The following CLTA variants were observed in gnomAD, a reference collection of about 807,000 sequenced individuals.
The protein encoded by CLTA is clathrin light chain A.
Under a neutral mutation model 26.9 loss-of-function variants are expected in CLTA, and 9 were observed. The observed-to-expected ratio is 0.33, with a 90% confidence interval of 0.20 to 0.58. CLTA has a LOEUF of 0.58. CLTA is among the 20% of genes least tolerant of loss of function. CLTA has a pLI of 0.85. For missense variants in CLTA, 278 were observed against 294.2 expected (o/e 0.94, Z 0.40); for synonymous variants, 120 against 115.5 (o/e 1.04, Z -0.25).
chr9:36,191,948 C>T (rs1826754379), intron 1 of CLTA, among the ~76,000 whole-genome samples: 1 of 152,050 alleles, frequency 6.6e-6, no homozygotes, highest in Admixed American at 6.5e-5. Context: ...TAAGCAGAAC[C>T]CAAGATTAGC....
At chr9:36,196,531 A>G (rs1317572155) in intron 1 of CLTA, among the ~76,000 whole-genome samples, 1 of 151,472 alleles carries the variant, frequency 6.6e-6, no homozygotes, top group East Asian at 2.0e-4. Flanking sequence ...TTTTTAGTAT[A>G]TGGAGGTGGG....
intron 1 of CLTA, among the ~76,000 whole-genome samples, chr9:36,195,292 A>C (rs911113823): frequency 1.3e-5 from 2 of 152,256 alleles, no homozygotes; most frequent in Non-Finnish European, 2.9e-5. Flanking sequence ...TCATGTCTAC[A>C]TACACAAATT....
chr9:36,206,653 G>A (rs746382708), intron 4 of CLTA, among the ~76,000 whole-genome samples: 1 of 152,186 alleles, frequency 6.6e-6, no homozygotes, highest in Non-Finnish European at 1.5e-5. Flanking sequence ...CCAGCACATT[G>A]GGAGGCTGAG....
intron 4 of CLTA, among the ~76,000 whole-genome samples, chr9:36,204,661 G>A (rs914641208): frequency 1.3e-5 from 2 of 152,216 alleles, no homozygotes; most frequent in African/African-American, 4.8e-5. Flanking sequence ...TTTTAGAATT[G>A]AGGGTTCTGT....
At chr9:36,196,747 A>G (rs1827070766) in intron 1 of CLTA, among the ~76,000 whole-genome samples, 1 of 152,194 alleles carries the variant, frequency 6.6e-6, no homozygotes, top group African/African-American at 2.4e-5. Flanking sequence ...ATATTTCCAA[A>G]ACTTTATAGA....
chr9:36,193,962 A>G (rs1019328636), intron 1 of CLTA, among the ~76,000 whole-genome samples: 2 of 152,178 alleles, frequency 1.3e-5, no homozygotes, highest in African/African-American at 4.8e-5. Flanking sequence ...CTCAATCATG[A>G]GGGCTGAGTC....
At chr9:36,207,053 A>G (rs1827765305) in intron 4 of CLTA, among the ~76,000 whole-genome samples, 1 of 152,224 alleles carries the variant, frequency 6.6e-6, no homozygotes, top group Non-Finnish European at 1.5e-5. Flanking sequence ...AAGGGCATCC[A>G]GTTAATTGTG....
intron 1 of CLTA, 57 bp downstream of exon 1, chr9:36,191,330 T>A (rs1826703047): frequency 2.8e-6 from 4 of 1,451,416 alleles, no homozygotes. Context: ...CGGTCCACAG[T>A]GGGTCCGAGA....
rs775911876 is a variant in CLTA, at chr9:36,211,700, A to G, written c.583A>G (p.Ser195Gly). 3.7e-6 allele frequency: 6 copies of G among 1,614,042 alleles called. No individual in the cohort carries two copies. In the African/African-American group the frequency reaches 6.7e-5, roughly 18 times the overall value. ...ARLCDFNPKS[S>G]KQAKDVSRMR... ...GCTGTGTGACTTTAACCCCAAGTCT[A>G]GCAAGCAGGCCAAAGATGTCTCCCG... Residue 195 changes from serine (S) to glycine (G), a missense_variant, in exon 5 of 5, where the codon AGC becomes GGC. By Grantham distance (56) the Ser-to-Gly change is moderately conservative. Coordinates refer to ENST00000345519, the MANE Select transcript of CLTA (RefSeq NM_001833.4).
At chr9:36,201,832 C>T (rs1687489598) in intron 3 of CLTA, among the ~76,000 whole-genome samples, 1 of 152,096 alleles carries the variant, frequency 6.6e-6, no homozygotes, top group East Asian at 1.9e-4. Context: ...ACTGTAGAGG[C>T]TAGGTGGTGT....
In CLTA at chr9:36,190,962, C is replaced by T; in HGVS notation, c.-95C>T. 9 of 1,446,024 alleles carry T rather than the reference C, an allele frequency of 6.2e-6. No homozygotes were observed. In the South Asian group the frequency reaches 8.8e-5, roughly 14 times the overall value. 89.6% of individuals were successfully genotyped at this position (1,446,024 alleles called of 1,614,324 possible). A position where few individuals can be genotyped will look rare whatever the true frequency, so the allele number is the denominator to read the frequency against. ...CCTCCTGGCGCTTGTCCTCCTCTCCCAGTCGGCACCACAGCGGTGGCTGCC... is the reference window on the plus strand; with the variant it reads ...CCTCCTGGCGCTTGTCCTCCTCTCCTAGTCGGCACCACAGCGGTGGCTGCC... On this transcript the variant is annotated 5_prime_UTR_variant, in exon 1 of 5. Coordinates refer to ENST00000345519, the MANE Select transcript of CLTA (RefSeq NM_001833.4).
At chr9:36,207,500 T>G (rs1295566143) in intron 4 of CLTA, among the ~76,000 whole-genome samples, 6 of 152,250 alleles carry the variant, frequency 3.9e-5, no homozygotes, top group African/African-American at 1.4e-4. Flanking sequence ...AGTTCTGCAT[T>G]GTATTCGTGC....
At chr9:36,198,702 G>GA (rs546254007) in intron 2 of CLTA, among the ~76,000 whole-genome samples, 5,780 of 66,242 alleles carry the variant, frequency 0.087, 271 homozygotes, top group East Asian at 0.22. Context: ...CCCCACCCCA[G>GA]AAAAAAAAAA....
chr9:36,192,390 G>A (rs181011233), intron 1 of CLTA, among the ~76,000 whole-genome samples: 3 of 152,342 alleles, frequency 2.0e-5, no homozygotes, highest in Admixed American at 2.0e-4. Flanking sequence ...TGCCAGCCAG[G>A]CGGAACCTTT....
chr9:36,192,133 A>C (rs530577287), intron 1 of CLTA, among the ~76,000 whole-genome samples: 67 of 152,332 alleles, frequency 4.4e-4, no homozygotes, highest in Non-Finnish European at 4.4e-5. Flanking sequence ...TAGGAAATTT[A>C]GCTAGAAGAA....
intron 3 of CLTA, among the ~76,000 whole-genome samples, chr9:36,200,187 T>C (rs550579303): frequency 6.6e-6 from 1 of 152,276 alleles, no homozygotes; most frequent in African/African-American, 2.4e-5. Context: ...CTTTTCTTTG[T>C]TTTTTCTTTT....
intron 4 of CLTA, among the ~76,000 whole-genome samples, chr9:36,208,142 A>AT (rs1827826628): frequency 6.6e-6 from 1 of 152,186 alleles, no homozygotes; most frequent in Non-Finnish European, 1.5e-5. Context: ...TCCTTGAAAA[A>AT]TGTCTTTCCC....
At chr9:36,205,649 C>T (rs776216737) in intron 4 of CLTA, among the ~76,000 whole-genome samples, 24 of 151,986 alleles carry the variant, frequency 1.6e-4, no homozygotes, top group Admixed American at 1.6e-3. Flanking sequence ...TTGGTAACAG[C>T]CTTTCTGTTG....
intron 4 of CLTA, among the ~76,000 whole-genome samples, chr9:36,207,955 TAA>T (rs1474413250): frequency 6.6e-6 from 1 of 152,220 alleles, no homozygotes; most frequent in Non-Finnish European, 1.5e-5. Flanking sequence ...TGAGTCACTT[TAA>T]GTTATAATCA....
Sources: allele counts gnomAD v4.1 joint callset (sites outside exome capture counted in the v4.1 genomes callset), GRCh38; gene constraint gnomAD v4.1.1; transcripts MANE v1.5; gene names NCBI Gene and HGNC (gene_info 2026-07-23, HGNC 2026-07-21).